Variants in FGD6 observed in about 807,000 individuals in gnomAD.
The protein encoded by FGD6 is FYVE, RhoGEF and PH domain-containing protein 6.
A neutral mutation model predicts 149.4 loss-of-function variants in FGD6; 90 were observed. That is an observed-to-expected ratio of 0.60 (90% CI 0.51 to 0.72). FGD6 has a LOEUF of 0.72. Among genes scored for constraint, FGD6 ranks in the 30% least tolerant of loss-of-function variants. The pLI, the probability that FGD6 is intolerant of heterozygous loss-of-function variation, is 0.00. For synonymous variants in FGD6, 527 were observed against 584.0 expected, an observed-to-expected ratio of 0.90 and a Z score of 1.41; for missense variants, 1,437 against 1,684.8, an observed-to-expected ratio of 0.85 and a Z score of 2.57.
In FGD6 at chr12:95,102,517, T is replaced by C. The variant is rs572224013; in HGVS notation, c.3497+2490A>G. Among the ~76,000 whole-genome samples the C allele has an allele frequency of 1.2e-4, 18 of 151,778 alleles. No homozygotes were observed. In the South Asian group the frequency reaches 3.1e-3, roughly 26 times the overall value. On this transcript the variant is annotated intron_variant, in intron 14 of 20. Transcript: ENST00000343958. Reference sequence around the variant, plus strand: ...AAGAAAAAGTCACAATGCTAAGTGATTGAGAGTTTACCTGCACTCTCTAAA... The same window carrying C: ...AAGAAAAAGTCACAATGCTAAGTGACTGAGAGTTTACCTGCACTCTCTAAA...
intron 3 of FGD6, among the ~76,000 whole-genome samples, chr12:95,156,239 G>A (rs565668501): frequency 6.6e-6 from 1 of 152,310 alleles, no homozygotes; most frequent in Non-Finnish European, 1.5e-5. Context: ...GAGGAACAGA[G>A]CCATATTTCT....
chr12:95,147,148 C>T (rs1880041674), intron 5 of FGD6, among the ~76,000 whole-genome samples: 1 of 152,168 alleles, frequency 6.6e-6, no homozygotes, highest in Admixed American at 6.6e-5. Flanking sequence ...AATCACTTCA[C>T]TTTAAGCAAA....
At chr12:95,144,611 C>T (rs1348811489) in intron 5 of FGD6, among the ~76,000 whole-genome samples, 1 of 151,456 alleles carries the variant, frequency 6.6e-6, no homozygotes, top group Non-Finnish European at 1.5e-5. Context: ...AGGCTGGGCT[C>T]GAACTCCCAA....
In FGD6 at chr12:95,081,288, CAG is replaced by C. The variant is rs1877664041; in HGVS notation, c.*230_*231del. ...TGGTACTTTAGAATTCAGTGTGTCT[CAG>C]AAATAATTCTGACCATTAAGTAAAC... On this transcript the variant is annotated 3_prime_UTR_variant, in exon 21 of 21. Coordinates refer to ENST00000343958, the MANE Select transcript of FGD6 (RefSeq NM_018351.4). 8.3e-6 allele frequency: 3 copies of C among 362,142 alleles called. No homozygotes were observed. The highest frequency in any genetic ancestry group is 8.6e-5 in the Admixed American group (2 of 23,256). The allele number at this position is 362,142 out of a possible 1,614,324, so 22.4% of individuals were successfully genotyped here.
At chr12:95,125,818 A>G (rs1443202165) in intron 8 of FGD6, 2 of 928,802 alleles carry the variant, frequency 2.2e-6, no homozygotes, top group East Asian at 2.4e-5. Context: ...TTTGGACCTC[A>G]TGCTGGAAAA....
Position 95,137,565 on chromosome 12 carries a change from C to T in FGD6, c.2951G>A (p.Cys984Tyr), listed in dbSNP as rs1007690003. 53 of 1,607,240 alleles carry T rather than the reference C, an allele frequency of 3.3e-5. No homozygotes were observed. The highest frequency in any genetic ancestry group is 4.4e-5 in the Non-Finnish European group (52 of 1,177,466). Residue 984 changes from cysteine (C) to tyrosine (Y), a missense_variant, in exon 7 of 21, where the codon TGC becomes TAC. By Grantham distance (194) the Cys-to-Tyr change is radical. Around this residue, in one of 2 missense-constraint regions of FGD6, gnomAD observed 382 missense variants for 538.7 expected, o/e 0.71. Transcript: ENST00000343958. ...DKNIALLDEQ[C>Y]KKNPGFAAVV... is the part of the protein sequence containing the mutation. ...AGCAGCAAAACCTGGATTTTTCTTG[C>T]ACTGTTCATCCAGCAAGGCTATATT...
chr12:95,114,074 C>A (rs541190066), intron 8 of FGD6, among the ~76,000 whole-genome samples: 26 of 152,266 alleles, frequency 1.7e-4, no homozygotes, highest in African/African-American at 6.3e-4. Context: ...TGAGATCAGA[C>A]ACACGTCTAG....
At chr12:95,120,347 A>T (rs976006864) in intron 8 of FGD6, among the ~76,000 whole-genome samples, 74 of 150,482 alleles carry the variant, frequency 4.9e-4, no homozygotes, top group African/African-American at 7.5e-4. Flanking sequence ...TTTATTTTTT[A>T]TTTTTTTTGC....
intron 2 of FGD6, among the ~76,000 whole-genome samples, chr12:95,200,472 T>A (rs2056651269): frequency 6.6e-6 from 1 of 152,122 alleles, no homozygotes; most frequent in Non-Finnish European, 1.5e-5. Context: ...CGCATTTCCA[T>A]CACTGTTCAT....
chr12:95,125,506 C>T (rs1186320449), intron 8 of FGD6, among the ~76,000 whole-genome samples: 1 of 152,126 alleles, frequency 6.6e-6, no homozygotes, highest in Non-Finnish European at 1.5e-5. Context: ...TATGGTGGTG[C>T]ATGCCTGTAG....
At chr12:95,105,134 A>AT in intron 13 of FGD6, 48 bp from the exon 14 acceptor site, 1 of 1,532,488 alleles carries the variant, frequency 6.5e-7, no homozygotes, top group Non-Finnish European at 8.9e-7. Context: ...ACTGAAAACC[A>AT]TATCAATGAG....
intron 2 of FGD6, among the ~76,000 whole-genome samples, chr12:95,202,065 A>G (rs1320975444): frequency 6.6e-6 from 1 of 151,794 alleles, no homozygotes; most frequent in Non-Finnish European, 1.5e-5. Flanking sequence ...ATATGTCTCT[A>G]AAAGTGTAGA....
At chr12:95,129,366 A>G (rs893275902) in intron 8 of FGD6, among the ~76,000 whole-genome samples, 1 of 148,244 alleles carries the variant, frequency 6.7e-6, no homozygotes, top group South Asian at 2.2e-4. Flanking sequence ...CATCCATCCA[A>G]CATTCATTGC....
At chr12:95,152,887 G>C (rs375397306) in intron 4 of FGD6, 39 bp downstream of exon 4, 3 of 1,613,420 alleles carry the variant, frequency 1.9e-6, no homozygotes, top group Non-Finnish European at 2.5e-6. Flanking sequence ...GTGCCAATGG[G>C]GGGAAAACAG....
intron 2 of FGD6, among the ~76,000 whole-genome samples, chr12:95,198,737 C>T (rs766520242): frequency 1.3e-5 from 2 of 152,148 alleles, no homozygotes; most frequent in African/African-American, 2.4e-5. Context: ...TGCCCGTCCA[C>T]GATTACTATT....
chr12:95,190,256 G>A (rs944239906), intron 2 of FGD6, among the ~76,000 whole-genome samples: 1 of 152,102 alleles, frequency 6.6e-6, no homozygotes, highest in Admixed American at 6.6e-5. Context: ...TGCAACCTCC[G>A]CCTCCAGGGT....
At chr12:95,095,593 A>C (rs1288472247) in intron 14 of FGD6, among the ~76,000 whole-genome samples, 1 of 152,104 alleles carries the variant, frequency 6.6e-6, no homozygotes, top group African/African-American at 2.4e-5. Context: ...AGGGAATGAG[A>C]GAAAGAAAGA....
intron 2 of FGD6, among the ~76,000 whole-genome samples, chr12:95,201,190 T>C (rs530961738): frequency 1.6e-4 from 24 of 152,200 alleles, no homozygotes; most frequent in African/African-American, 5.5e-4. Context: ...TGAATACTCA[T>C]TCCCTTCCAT....
chr12:95,193,480 C>T (rs1881648158), intron 2 of FGD6, among the ~76,000 whole-genome samples: 1 of 151,740 alleles, frequency 6.6e-6, no homozygotes, highest in Admixed American at 6.6e-5. Context: ...GCCTCAGCCT[C>T]CTGAGTAGCT....
Sources: allele counts gnomAD v4.1 joint callset (sites outside exome capture counted in the v4.1 genomes callset), GRCh38; gene constraint gnomAD v4.1.1; regional missense constraint gnomAD v4.1.1; transcripts MANE v1.5; gene names NCBI Gene and HGNC (gene_info 2026-07-23, HGNC 2026-07-21).